PTPRM: variants seen among roughly 807,000 people sequenced by gnomAD.
PTPRM encodes the protein receptor-type tyrosine-protein phosphatase mu.
PTPRM carries 47 observed loss-of-function variants against 186.7 expected under a neutral mutation model. The ratio of observed to expected loss-of-function variants is 0.25; its 90% CI spans 0.20 to 0.32. The LOEUF (loss-of-function observed/expected upper bound fraction) is 0.32. PTPRM is among the 10% of genes least tolerant of loss of function. The pLI, the probability that PTPRM is intolerant of heterozygous loss-of-function variation, is 1.00. For missense variants in PTPRM, 1,494 were observed against 1,865.0 expected (o/e 0.80, Z 3.66); for synonymous variants, 668 against 674.9 (o/e 0.99, Z 0.16).
At chr18:7,673,395 GA>G (rs1160872892) in intron 1 of PTPRM, among the ~76,000 whole-genome samples, 3 of 152,220 alleles carry the variant, frequency 2.0e-5, no homozygotes, top group Admixed American at 6.5e-5. Context: ...TTAAAGGAAA[GA>G]TATATGGTTA....
intron 2 of PTPRM, among the ~76,000 whole-genome samples, chr18:7,824,061 G>T (rs1275871925): frequency 6.6e-6 from 1 of 152,066 alleles, no homozygotes; most frequent in Non-Finnish European, 1.5e-5. Flanking sequence ...CCTCTCTAAC[G>T]TGCATATCTT....
chr18:8,045,252 G>A (rs777475906), intron 7 of PTPRM, among the ~76,000 whole-genome samples: 2 of 152,162 alleles, frequency 1.3e-5, no homozygotes, highest in Non-Finnish European at 2.9e-5. Flanking sequence ...AAAGGCCAAG[G>A]TGGGAGGATC....
intron 14 of PTPRM, among the ~76,000 whole-genome samples, chr18:8,215,295 G>T (rs1485470465): frequency 2.0e-5 from 3 of 151,940 alleles, no homozygotes; most frequent in Admixed American, 6.6e-5. Flanking sequence ...ATATTATTCA[G>T]TAGTTCGTAT....
chr18:7,746,435 T>C (rs1040946970), intron 1 of PTPRM, among the ~76,000 whole-genome samples: 1 of 152,152 alleles, frequency 6.6e-6, no homozygotes, highest in Non-Finnish European at 1.5e-5. Context: ...TTTTCAGATA[T>C]GTAAATTTTT....
intron 7 of PTPRM, among the ~76,000 whole-genome samples, chr18:8,046,299 C>T (rs2087047650): frequency 6.6e-6 from 1 of 152,120 alleles, no homozygotes; most frequent in African/African-American, 2.4e-5. Context: ...CAGACTAATA[C>T]AGTAAAAAAG....
chr18:8,360,222 A>C (rs1286654676), intron 23 of PTPRM, among the ~76,000 whole-genome samples: 2 of 152,256 alleles, frequency 1.3e-5, no homozygotes, highest in Non-Finnish European at 2.9e-5. Flanking sequence ...AGTAGGCTAC[A>C]GACAACCAGA....
chr18:7,630,896 G>A (rs2038175437), intron 1 of PTPRM, among the ~76,000 whole-genome samples: 1 of 152,182 alleles, frequency 6.6e-6, no homozygotes, highest in African/African-American at 2.4e-5. Context: ...GGCATATAGT[G>A]TAGTGTCACG....
chr18:8,148,424 GT>G (rs1379419998), intron 14 of PTPRM, among the ~76,000 whole-genome samples: 1 of 152,138 alleles, frequency 6.6e-6, no homozygotes, highest in African/African-American at 2.4e-5. Flanking sequence ...AGATTTTCTA[GT>G]TTATTTGCAT....
Position 8,153,830 on chromosome 18 carries a change from G to A in PTPRM, c.2300+10051G>A, listed in dbSNP as rs575867330. Among the ~76,000 whole-genome samples the A allele has an allele frequency of 2.3e-3, 356 of 152,292 alleles. 1 individual carries two copies. Among genetic ancestry groups the A allele is most frequent in the African/African-American group, 7.7e-3 (318 of 41,568 alleles). ...GGTTAGAAGAACACTGAACTTAGAT[G>A]TGGAATTCCTAGATCTGTATTTTAA... On this transcript the variant is annotated intron_variant, in intron 14 of 32. Transcript: ENST00000580170.
In PTPRM at chr18:7,669,744, C is replaced by T. The variant is rs557470402; in HGVS notation, c.73+101853C>T. Among the ~76,000 whole-genome samples, 14 of 151,970 alleles carry T rather than the reference C, an allele frequency of 9.2e-5. No individual in the cohort carries two copies. In the East Asian group the frequency reaches 9.7e-4, roughly 11 times the overall value. On this transcript the variant is annotated intron_variant, in intron 1 of 32. Transcript: ENST00000580170. ...ATCTTTTACTTTATTTTTTTTGAGA[C>T]GGAGTTTTGCTCTTGTTGCCCAGGC...
At chr18:8,327,192 C>T (rs772416351) in intron 22 of PTPRM, among the ~76,000 whole-genome samples, 1 of 152,228 alleles carries the variant, frequency 6.6e-6, no homozygotes, top group African/African-American at 2.4e-5. Context: ...TGCCATTGAC[C>T]TTATCACCGC....
intron 1 of PTPRM, among the ~76,000 whole-genome samples, chr18:7,715,216 T>C (rs1206410842): frequency 6.6e-6 from 1 of 152,168 alleles, no homozygotes; most frequent in Non-Finnish European, 1.5e-5. Context: ...CACGAATCAA[T>C]AAACGTAATC....
At chr18:7,651,657 T>G (rs1598299880) in intron 1 of PTPRM, among the ~76,000 whole-genome samples, 1 of 151,988 alleles carries the variant, frequency 6.6e-6, no homozygotes, top group Non-Finnish European at 1.5e-5. Context: ...GGGGAAAGGA[T>G]TCCCTATTTA....
intron 14 of PTPRM, among the ~76,000 whole-genome samples, chr18:8,154,357 A>T (rs1054521449): frequency 6.6e-6 from 1 of 152,156 alleles, no homozygotes; most frequent in Admixed American, 6.5e-5. Flanking sequence ...CAGCATTCTG[A>T]GTCGTCCACC....
intron 30 of PTPRM, among the ~76,000 whole-genome samples, chr18:8,386,418 C>G (rs1349928213): frequency 6.6e-6 from 1 of 152,082 alleles, no homozygotes; most frequent in African/African-American, 2.4e-5. Flanking sequence ...GGAGAAGGAC[C>G]AGCCAGTGAG....
At chr18:8,306,974 G>T (rs1462522699) in intron 20 of PTPRM, among the ~76,000 whole-genome samples, 1 of 152,168 alleles carries the variant, frequency 6.6e-6, no homozygotes. Context: ...CAAGGTGAAT[G>T]ATATTTCAAG....
intron 2 of PTPRM, among the ~76,000 whole-genome samples, chr18:7,855,770 C>G (rs900639655): frequency 6.6e-6 from 1 of 152,170 alleles, no homozygotes; most frequent in Non-Finnish European, 1.5e-5. Context: ...GACACTGTTT[C>G]CTCTGGCTAG....
intron 2 of PTPRM, among the ~76,000 whole-genome samples, chr18:7,799,724 C>T (rs1375470335): frequency 2.0e-5 from 3 of 152,090 alleles, no homozygotes; most frequent in East Asian, 1.9e-4. Context: ...AAAAATGTTG[C>T]TGATACATAG....
At chr18:8,063,824 CCCAGGGT>C (rs1052902156) in intron 7 of PTPRM, among the ~76,000 whole-genome samples, 1 of 152,168 alleles carries the variant, frequency 6.6e-6, no homozygotes, top group African/African-American at 2.4e-5. Context: ...GAATGACTAG[CCCAGGGT>C]CCAGTATGTA....
Sources: allele counts gnomAD v4.1 joint callset (sites outside exome capture counted in the v4.1 genomes callset), GRCh38; gene constraint gnomAD v4.1.1; transcripts MANE v1.5; gene names NCBI Gene and HGNC (gene_info 2026-07-23, HGNC 2026-07-21).